Variants in NTM observed in about 807,000 individuals in gnomAD.
The protein encoded by NTM is IgLON family member 2.
A neutral mutation model predicts 42.1 loss-of-function variants in NTM; 13 were observed. The observed-to-expected ratio is 0.31, with a 90% CI of 0.20 to 0.49. The LOEUF (loss-of-function observed/expected upper bound fraction) is 0.49, where lower values mean the gene tolerates loss of function less well. NTM is among the 20% of genes least tolerant of loss of function. NTM has a pLI of 0.99. For missense variants in NTM, 373 were observed against 452.8 expected, an observed-to-expected ratio of 0.82 and a Z score of 1.60; for synonymous variants, 187 against 179.2, an observed-to-expected ratio of 1.04 and a Z score of -0.35.
At chr11:131,712,515 G>C (rs1245875983) in intron 1 of NTM, among the ~76,000 whole-genome samples, 4 of 152,118 alleles carry the variant, frequency 2.6e-5, no homozygotes, top group African/African-American at 4.8e-5. Flanking sequence ...TAACTAGTGG[G>C]ATAATAGATG....
intron 1 of NTM, among the ~76,000 whole-genome samples, chr11:131,787,048 A>G (rs752175126): frequency 4.6e-5 from 7 of 152,192 alleles, no homozygotes; most frequent in Non-Finnish European, 8.8e-5. Flanking sequence ...TTTGATAACT[A>G]AGACCAAATG....
chr11:132,294,496 G>A (rs892750797), intron 4 of NTM, among the ~76,000 whole-genome samples: 1 of 152,050 alleles, frequency 6.6e-6, no homozygotes, highest in Non-Finnish European at 1.5e-5. Context: ...GTTTTTTCAC[G>A]CCAAGATCCA....
chr11:132,169,266 G>T (rs2075753410), intron 3 of NTM, among the ~76,000 whole-genome samples: 1 of 146,972 alleles, frequency 6.8e-6, no homozygotes, highest in South Asian at 2.2e-4. Flanking sequence ...GAGAGAGGCA[G>T]GCATTCTCAA....
intron 3 of NTM, among the ~76,000 whole-genome samples, chr11:132,164,894 C>G (rs551354633): frequency 1.5e-4 from 23 of 152,308 alleles, no homozygotes; most frequent in African/African-American, 5.5e-4. Flanking sequence ...AGCTTACTCC[C>G]TAAGGACATT....
chr11:132,313,253 G>T (rs553006895), intron 6 of NTM, among the ~76,000 whole-genome samples: 1 of 151,914 alleles, frequency 6.6e-6, no homozygotes, highest in African/African-American at 2.4e-5. Flanking sequence ...GCCATTGTGC[G>T]GTCCGCAAAG....
intron 1 of NTM, among the ~76,000 whole-genome samples, chr11:131,548,919 C>G (rs2054290720): frequency 6.6e-6 from 1 of 152,086 alleles, no homozygotes; most frequent in Non-Finnish European, 1.5e-5. Context: ...AACTTTATAG[C>G]CAGTGACAAG....
intron 2 of NTM, among the ~76,000 whole-genome samples, chr11:131,967,697 T>C (rs767662748): frequency 3.3e-5 from 5 of 152,214 alleles, no homozygotes; most frequent in African/African-American, 4.8e-5. Flanking sequence ...GGTTTTTGTG[T>C]TTTCTTCTCT....
rs551402612 is a variant in NTM at position 131,551,717 on chromosome 11, C to T, written c.82+180829C>T. On this transcript the variant is annotated intron_variant, in intron 1 of 8. Coordinates refer to ENST00000683400, the MANE Select transcript of NTM (RefSeq NM_001352005.2). Reference sequence around the variant, plus strand: ...GGCTTTCTTCTGCCCTTGAGAGGATCGACACATGTTTTTGTGGAGAATTCA... The same window carrying T: ...GGCTTTCTTCTGCCCTTGAGAGGATTGACACATGTTTTTGTGGAGAATTCA... 2.0e-5 allele frequency among the ~76,000 whole-genome samples: 3 copies of T among 152,260 alleles called. No homozygotes were observed. In the East Asian group the frequency reaches 5.8e-4, roughly 29 times the overall value.
chr11:131,789,353 AAT>A (rs1391140922), intron 1 of NTM, among the ~76,000 whole-genome samples: 2 of 53,196 alleles, frequency 3.8e-5, no homozygotes, highest in African/African-American at 6.0e-4. Context: ...ATTTAAAAAT[AAT>A]AATAATAATA....
intron 4 of NTM, among the ~76,000 whole-genome samples, chr11:132,234,091 G>A (rs1256329199): frequency 6.6e-6 from 1 of 152,130 alleles, no homozygotes; most frequent in Non-Finnish European, 1.5e-5. Flanking sequence ...TCTATATCCT[G>A]CCCACTTTGG....
At chr11:132,202,038 A>G (rs2081242157) in intron 3 of NTM, among the ~76,000 whole-genome samples, 1 of 152,220 alleles carries the variant, frequency 6.6e-6, no homozygotes, top group African/African-American at 2.4e-5. Context: ...TCTCTTCCTC[A>G]CGAAATTATG....
intron 1 of NTM, among the ~76,000 whole-genome samples, chr11:131,773,084 T>C (rs1379688906): frequency 6.6e-6 from 1 of 152,204 alleles, no homozygotes; most frequent in Non-Finnish European, 1.5e-5. Context: ...ATCTTATAAA[T>C]AAAAGAAATT....
chr11:131,762,302 T>C (rs1207489334), intron 1 of NTM, among the ~76,000 whole-genome samples: 1 of 152,186 alleles, frequency 6.6e-6, no homozygotes, highest in Non-Finnish European at 1.5e-5. Flanking sequence ...GTGGGAATTG[T>C]CTCTGCTTAT....
chr11:131,715,464 C>T (rs1362752496), intron 1 of NTM, among the ~76,000 whole-genome samples: 1 of 152,156 alleles, frequency 6.6e-6, no homozygotes, highest in African/African-American at 2.4e-5. Flanking sequence ...ATATGTTTAA[C>T]AGCTTTATTG....
intron 2 of NTM, among the ~76,000 whole-genome samples, chr11:132,141,826 G>A (rs898966295): frequency 6.6e-6 from 1 of 152,332 alleles, no homozygotes. Flanking sequence ...CCAGGATGCT[G>A]AGTATGCTAG....
chr11:132,225,283 G>T (rs1417541292), intron 4 of NTM, among the ~76,000 whole-genome samples: 1 of 151,878 alleles, frequency 6.6e-6, no homozygotes, highest in African/African-American at 2.4e-5. Flanking sequence ...CCCAATGCCA[G>T]GGAGAGGTAG....
intron 4 of NTM, among the ~76,000 whole-genome samples, chr11:132,271,630 AT>A (rs2093481972): frequency 6.6e-6 from 1 of 151,544 alleles, no homozygotes; most frequent in African/African-American, 2.4e-5. Flanking sequence ...TATGATTTGC[AT>A]TTTCCTGAGG....
intron 1 of NTM, among the ~76,000 whole-genome samples, chr11:131,693,510 G>A (rs755663634): frequency 6.6e-6 from 1 of 152,214 alleles, no homozygotes; most frequent in Non-Finnish European, 1.5e-5. Flanking sequence ...AGGAGACTCA[G>A]GCCCCGTGCC....
At chr11:131,867,019 C>A (rs531355429) in intron 1 of NTM, among the ~76,000 whole-genome samples, 43 of 152,306 alleles carry the variant, frequency 2.8e-4, no homozygotes, top group African/African-American at 9.4e-4. Context: ...GGGGCACTCC[C>A]TTTCCTTCTG....
Sources: allele counts gnomAD v4.1 joint callset (sites outside exome capture counted in the v4.1 genomes callset), GRCh38; gene constraint gnomAD v4.1.1; transcripts MANE v1.5; gene names NCBI Gene and HGNC (gene_info 2026-07-23, HGNC 2026-07-21).